The following SOCS4 variants were observed in gnomAD, a reference collection of about 807,000 sequenced individuals.
The protein encoded by SOCS4 is suppressor of cytokine signaling 4.
A neutral mutation model predicts 34.1 loss-of-function variants in SOCS4; 20 were observed. The ratio of observed to expected loss-of-function variants is 0.59; its 90% confidence interval spans 0.41 to 0.85. The LOEUF is 0.85. SOCS4 is among the 40% of genes least tolerant of loss of function. The pLI, the probability that SOCS4 is intolerant of heterozygous loss-of-function variation, is 0.00. For missense variants in SOCS4, 479 were observed against 532.4 expected (o/e 0.90, Z 0.99); for synonymous variants, 180 against 186.4 (o/e 0.97, Z 0.28).
At chr14:55,033,177 G>A (rs1331901697) in intron 2 of SOCS4, among the ~76,000 whole-genome samples, 1 of 151,994 alleles carries the variant, frequency 6.6e-6, no homozygotes, top group African/African-American at 2.4e-5. Flanking sequence ...TTTACATTCA[G>A]ATTTTACATG....
At chr14:55,038,215 C>A (rs540044588) in intron 2 of SOCS4, among the ~76,000 whole-genome samples, 1 of 152,322 alleles carries the variant, frequency 6.6e-6, no homozygotes, top group South Asian at 2.1e-4. Flanking sequence ...CCTCATGATT[C>A]AATTATCTCC....
chr14:55,039,260 ACT>A (rs1289036382), intron 2 of SOCS4, among the ~76,000 whole-genome samples: 27 of 151,700 alleles, frequency 1.8e-4, no homozygotes, highest in Middle Eastern at 6.8e-3. Context: ...ACCTAGGGAG[ACT>A]CTGTCTCTAC....
intron 1 of SOCS4, among the ~76,000 whole-genome samples, chr14:55,030,857 G>T (rs2042522375): frequency 6.6e-6 from 1 of 152,040 alleles, no homozygotes. Flanking sequence ...TTCAAATATG[G>T]TATAGTGAAA....
chr14:55,044,128 C>G lies in SOCS4; in HGVS notation c.1087C>G (p.His363Asp). 6.2e-7 allele frequency: 1 copy of G among 1,614,122 alleles called. No homozygotes were observed. The highest frequency in any genetic ancestry group is 8.5e-7 in the Non-Finnish European group (1 of 1,179,986). ...HSPDITGLLE[H>D]YKDPSACMFF... The stretch of plus-strand genomic sequence containing the variant: ...TCCTGACATTACTGGGCTCCTAGAA[C>G]ATTATAAGGACCCAAGCGCCTGTAT... The change falls in exon 3 of 3, where the codon CAT becomes GAT. Residue 363 changes from histidine (H) to aspartate (D), a missense_variant. Coordinates refer to ENST00000555846, the MANE Select transcript of SOCS4 (RefSeq NM_199421.2).
At chr14:55,040,145 C>A (rs2042605034) in intron 2 of SOCS4, among the ~76,000 whole-genome samples, 1 of 152,220 alleles carries the variant, frequency 6.6e-6, no homozygotes, top group African/African-American at 2.4e-5. Flanking sequence ...ACAGCCAAAG[C>A]AGGCAGTTGA....
intron 1 of SOCS4, among the ~76,000 whole-genome samples, chr14:55,029,734 G>T (rs1393467076): frequency 3.3e-5 from 5 of 152,102 alleles, no homozygotes; most frequent in Admixed American, 6.5e-5. Context: ...ATTGAAAAAA[G>T]AAACATTGAA....
At position 55,031,556 on chromosome 14, in the gene SOCS4, C is replaced by T. The variant is rs146191400; in HGVS notation, c.-219-307C>T. On this transcript the variant is annotated intron_variant, in intron 1 of 2. Coordinates refer to ENST00000555846, the MANE Select transcript of SOCS4 (RefSeq NM_199421.2). ...GAATATGTGTTAACATCTTTCAGAA[C>T]TAGTGTCCACAAGAGTACAGAGTGG... Among the ~76,000 whole-genome samples the T allele has an allele frequency of 2.6e-4, 40 of 152,258 alleles. 1 individual carries two copies. The highest frequency in any genetic ancestry group is 2.0e-3 in the Admixed American group (31 of 15,294).
In SOCS4 at chr14:55,043,336, G is replaced by A. The variant is rs199994483; in HGVS notation, c.295G>A (p.Val99Met). The change falls in exon 3 of 3, where the codon GTG becomes ATG. Residue 99 changes from valine to methionine, a missense_variant. By Grantham distance (21) the Val-to-Met change is conservative. Coordinates refer to ENST00000555846, the MANE Select transcript of SOCS4 (RefSeq NM_199421.2). ...RSLKQKLQDA[V>M]GQCFPIKNCS... ...TCTTAAACAGAAACTGCAAGATGCCGTGGGGCAGTGTTTTCCAATAAAGAA... is the reference window on the plus strand; with the variant it reads ...TCTTAAACAGAAACTGCAAGATGCCATGGGGCAGTGTTTTCCAATAAAGAA... 211 of 1,614,110 alleles carry A rather than the reference G, an allele frequency of 1.3e-4. No homozygotes were observed. Among genetic ancestry groups the A allele is most frequent in the Non-Finnish European group, 1.6e-4 (191 of 1,180,054 alleles).
chr14:55,041,936 C>T (rs1313503580), intron 2 of SOCS4, among the ~76,000 whole-genome samples: 7 of 151,592 alleles, frequency 4.6e-5, no homozygotes, highest in Non-Finnish European at 1.0e-4. Flanking sequence ...GGATTACAGG[C>T]GTGCGCCGTT....
chr14:55,042,219 G>A (rs1170745451), intron 2 of SOCS4, among the ~76,000 whole-genome samples: 1 of 152,142 alleles, frequency 6.6e-6, no homozygotes, highest in Non-Finnish European at 1.5e-5. Flanking sequence ...CAGAGGAAAG[G>A]CAGTGCCTTA....
chr14:55,036,728 A>G (rs548320886), intron 2 of SOCS4, among the ~76,000 whole-genome samples: 2 of 151,942 alleles, frequency 1.3e-5, no homozygotes, highest in East Asian at 3.9e-4. Flanking sequence ...GCCTATATTA[A>G]TCTCTAATTT....
chr14:55,044,128 C>T lies in SOCS4; in HGVS notation c.1087C>T (p.His363Tyr), dbSNP rs920849345. The T allele has an allele frequency of 2.5e-6, 4 of 1,614,004 alleles. No individual in the cohort carries two copies. In the African/African-American group the frequency reaches 4.0e-5, roughly 16 times the overall value. Residue 363 changes from histidine (H) to tyrosine (Y), a missense_variant, in exon 3 of 3, where the codon CAT becomes TAT. His to Tyr is a moderately conservative substitution (Grantham distance 83). Coordinates refer to ENST00000555846, the MANE Select transcript of SOCS4 (RefSeq NM_199421.2). Reference protein sequence around the residue: ...HSPDITGLLEHYKDPSACMFF... With the variant: ...HSPDITGLLEYYKDPSACMFF... ...TCCTGACATTACTGGGCTCCTAGAA[C>T]ATTATAAGGACCCAAGCGCCTGTAT...
At position 55,043,562 on chromosome 14, in the gene SOCS4, G is replaced by C; in HGVS notation, c.521G>C (p.Gly174Ala). 1.9e-6 allele frequency: 3 copies of C among 1,614,124 alleles called. No homozygotes were observed. In the East Asian group the frequency reaches 6.7e-5, roughly 36 times the overall value. The change falls in exon 3 of 3, where the codon GGT becomes GCT. Residue 174 changes from glycine (G) to alanine (A), a missense_variant. Physicochemically the swap from Gly to Ala is moderately conservative, Grantham distance 60. Transcript: ENST00000555846. ...TDLSQTELRD[G>A]QLKRRNMEEN... ...TTGTCTCAGACTGAATTGAGGGATG[G>C]TCAGCTAAAACGAAGAAATATGGAA...
intron 2 of SOCS4, among the ~76,000 whole-genome samples, chr14:55,032,533 TA>T (rs111714488): frequency 5.7e-4 from 83 of 146,042 alleles, no homozygotes; most frequent in African/African-American, 8.7e-4. Context: ...AAATATGACT[TA>T]AAAAAAAAAA....
At chr14:55,032,942 C>A (rs2042541836) in intron 2 of SOCS4, among the ~76,000 whole-genome samples, 1 of 152,080 alleles carries the variant, frequency 6.6e-6, no homozygotes. Flanking sequence ...GCCACCACAC[C>A]CGGCTAATTT....
rs376887894 is a variant in SOCS4 at position 55,037,877 on chromosome 14, T to G, written c.-90-5075T>G. On this transcript the variant is annotated intron_variant, in intron 2 of 2. Transcript: ENST00000555846. Reference sequence around the variant, plus strand: ...GAAGTAAGTCAATTTTAGTTTCTACTCTTTCCATGGTTATTGCTTTCTCCA... The same window carrying G: ...GAAGTAAGTCAATTTTAGTTTCTACGCTTTCCATGGTTATTGCTTTCTCCA... Among the ~76,000 whole-genome samples the G allele has an allele frequency of 4.6e-5, 7 of 152,364 alleles. No homozygotes were observed. In the South Asian group the frequency reaches 1.2e-3, roughly 27 times the overall value.
At chr14:55,042,554 G>T (rs2042629897) in intron 2 of SOCS4, among the ~76,000 whole-genome samples, 1 of 152,174 alleles carries the variant, frequency 6.6e-6, no homozygotes, top group Non-Finnish European at 1.5e-5. Flanking sequence ...TCATAGATTT[G>T]TGTCTGTCTT....
chr14:55,039,061 T>A (rs1323279532), intron 2 of SOCS4, among the ~76,000 whole-genome samples: 1 of 152,224 alleles, frequency 6.6e-6, no homozygotes, highest in Non-Finnish European at 1.5e-5. Context: ...GCAAAAAGAT[T>A]TTTACTCAGC....
intron 2 of SOCS4, among the ~76,000 whole-genome samples, chr14:55,041,783 CTTTTTTTTTT>C (rs35998700): frequency 3.2e-4 from 13 of 40,080 alleles, no homozygotes; most frequent in Admixed American, 1.4e-3. Flanking sequence ...AACCCTTAAT[CTTTTTTTTTT>C]TTTTTTTTTT....
Sources: gnomAD v4.1 joint callset for allele counts (sites outside exome capture counted in the v4.1 genomes callset) on GRCh38, gnomAD v4.1.1 for gene constraint, MANE v1.5 for transcripts, NCBI Gene and HGNC (gene_info 2026-07-23, HGNC 2026-07-21) for gene names.